KCNIP4: variants seen among roughly 807,000 people sequenced by gnomAD.
The protein encoded by KCNIP4 is potassium voltage-gated channel interacting protein 4, also known as Kv channel-interacting protein 4.
In KCNIP4, 12 loss-of-function variants were observed where a neutral mutation model predicts 34.0. The observed-to-expected ratio is 0.35, with a 90% CI of 0.23 to 0.57. The LOEUF is 0.57. Among genes scored for constraint, KCNIP4 ranks in the 20% least tolerant of loss-of-function variants. The pLI is 0.83. For missense variants in KCNIP4, 238 were observed against 311.7 expected, an observed-to-expected ratio of 0.76 and a Z score of 1.78; for synonymous variants, 124 against 102.2, an observed-to-expected ratio of 1.21 and a Z score of -1.29.
intron 1 of KCNIP4, among the ~76,000 whole-genome samples, chr4:21,129,770 G>T (rs1030420023): frequency 6.6e-6 from 1 of 152,064 alleles, no homozygotes; most frequent in Non-Finnish European, 1.5e-5. Context: ...TTAAATGCAA[G>T]ATATTTAGGA....
chr4:20,763,002 A>G (rs1192622381), intron 3 of KCNIP4, among the ~76,000 whole-genome samples: 1 of 152,128 alleles, frequency 6.6e-6, no homozygotes, highest in Non-Finnish European at 1.5e-5. Context: ...TTATAAAACC[A>G]TCATAACTCA....
At chr4:21,690,140 TA>T (rs1017418703) in intron 1 of KCNIP4, among the ~76,000 whole-genome samples, 97 of 147,796 alleles carry the variant, frequency 6.6e-4, no homozygotes, top group African/African-American at 2.4e-3. Context: ...ATATTATATA[TA>T]TATATATACA....
chr4:21,808,814 C>A (rs1156500480), intron 1 of KCNIP4, among the ~76,000 whole-genome samples: 1 of 152,054 alleles, frequency 6.6e-6, no homozygotes, highest in Non-Finnish European at 1.5e-5. Context: ...GGGATGATTC[C>A]TTTGTCTAAT....
chr4:21,063,238 T>C (rs1744078478), intron 1 of KCNIP4, among the ~76,000 whole-genome samples: 4 of 152,114 alleles, frequency 2.6e-5, no homozygotes, highest in South Asian at 2.1e-4. Flanking sequence ...AGTAAGACAA[T>C]AAGTGTCTGT....
intron 1 of KCNIP4, among the ~76,000 whole-genome samples, chr4:21,738,924 T>C (rs1367752737): frequency 2.6e-5 from 4 of 152,272 alleles, no homozygotes; most frequent in Non-Finnish European, 5.9e-5. Context: ...TTGTGGTTAT[T>C]GAATGACATT....
chr4:21,811,736 A>G (rs1203179072), intron 1 of KCNIP4, among the ~76,000 whole-genome samples: 1 of 152,208 alleles, frequency 6.6e-6, no homozygotes, highest in Non-Finnish European at 1.5e-5. Flanking sequence ...AAGAAAAGGA[A>G]TGTGTGGAAT....
At chr4:21,327,473 C>T (rs1469642589) in intron 1 of KCNIP4, among the ~76,000 whole-genome samples, 3 of 151,976 alleles carry the variant, frequency 2.0e-5, no homozygotes, top group African/African-American at 7.3e-5. Context: ...TTTTAGGATC[C>T]TTCCTTTATC....
At chr4:21,602,825 G>A (rs1165080761) in intron 1 of KCNIP4, among the ~76,000 whole-genome samples, 1 of 151,918 alleles carries the variant, frequency 6.6e-6, no homozygotes, top group Non-Finnish European at 1.5e-5. Context: ...TTAGTTCAAG[G>A]GAGGTACTTT....
At chr4:21,060,431 GA>G (rs1024730460) in intron 1 of KCNIP4, among the ~76,000 whole-genome samples, 46 of 152,242 alleles carry the variant, frequency 3.0e-4, no homozygotes, top group Admixed American at 9.8e-4. Flanking sequence ...CATCAGACTG[GA>G]TGTTACAAAA....
intron 5 of KCNIP4, among the ~76,000 whole-genome samples, chr4:20,745,793 A>G (rs1002692107): frequency 5.9e-5 from 9 of 152,142 alleles, no homozygotes; most frequent in African/African-American, 1.2e-4. Context: ...GCTGGGGACA[A>G]TCCTCCTGAC....
At chr4:20,819,564 ATATGC>A (rs1436853846) in intron 3 of KCNIP4, among the ~76,000 whole-genome samples, 1 of 152,224 alleles carries the variant, frequency 6.6e-6, no homozygotes, top group Non-Finnish European at 1.5e-5. Context: ...AGAACATAGC[ATATGC>A]TCAGAGAATG....
In KCNIP4 at chr4:21,759,761, G is replaced by A. The variant is rs183999529; in HGVS notation, c.61+188810C>T. Among the ~76,000 whole-genome samples the A allele has an allele frequency of 1.4e-4, 21 of 152,132 alleles. No individual in the cohort carries two copies. In the East Asian group the frequency reaches 1.8e-3, roughly 13 times the overall value. ...CAGTAGACCTGGAATGACAACCTAC[G>A]TTCCAAAATTCTCATGGCCATTATC... On this transcript the variant is annotated intron_variant, in intron 1 of 8. Coordinates refer to ENST00000382152, the MANE Select transcript of KCNIP4 (RefSeq NM_025221.6).
chr4:21,154,474 C>A (rs1752999887), intron 1 of KCNIP4, among the ~76,000 whole-genome samples: 1 of 151,722 alleles, frequency 6.6e-6, no homozygotes, highest in Non-Finnish European at 1.5e-5. Flanking sequence ...TTTCATTGCA[C>A]AACCCCTGTG....
intron 1 of KCNIP4, among the ~76,000 whole-genome samples, chr4:21,690,945 A>G (rs1314558103): frequency 6.6e-6 from 1 of 152,216 alleles, no homozygotes; most frequent in Non-Finnish European, 1.5e-5. Context: ...GAGAAGTTTT[A>G]CTGTCAAAGT....
chr4:21,620,613 A>G (rs1744938037), intron 1 of KCNIP4, among the ~76,000 whole-genome samples: 1 of 152,230 alleles, frequency 6.6e-6, no homozygotes, highest in African/African-American at 2.4e-5. Context: ...AATAGAAAGA[A>G]AAATAGAAAA....
intron 1 of KCNIP4, among the ~76,000 whole-genome samples, chr4:21,232,214 G>A (rs1219727057): frequency 6.6e-6 from 1 of 152,062 alleles, no homozygotes; most frequent in East Asian, 1.9e-4. Flanking sequence ...CTTTAATGGT[G>A]TAAAGTATCT....
intron 1 of KCNIP4, among the ~76,000 whole-genome samples, chr4:21,556,849 A>C (rs1482714183): frequency 6.9e-6 from 1 of 144,362 alleles, no homozygotes. Context: ...TGAACCCGGG[A>C]GATAGAGGCT....
chr4:21,886,351 C>A (rs1291902530), intron 1 of KCNIP4, among the ~76,000 whole-genome samples: 1 of 152,034 alleles, frequency 6.6e-6, no homozygotes, highest in African/African-American at 2.4e-5. Context: ...ATGTTTTTGC[C>A]CAACACAAGC....
intron 1 of KCNIP4, among the ~76,000 whole-genome samples, chr4:21,699,325 G>A (rs191339781): frequency 8.5e-5 from 13 of 152,260 alleles, no homozygotes; most frequent in Middle Eastern, 3.4e-3. Context: ...TCTATGTGCT[G>A]GGAAAACAGT....
Sources: gnomAD v4.1 joint callset for allele counts (sites outside exome capture counted in the v4.1 genomes callset) on GRCh38, gnomAD v4.1.1 for gene constraint, MANE v1.5 for transcripts, NCBI Gene and HGNC (gene_info 2026-07-23, HGNC 2026-07-21) for gene names.